The following BRDT variants were observed in gnomAD, a reference collection of about 807,000 sequenced individuals.
BRDT encodes the protein bromodomain testis associated, also known as bromodomain testis-specific protein.
In BRDT, 77 loss-of-function variants were observed where a neutral mutation model predicts 113.9. The ratio of observed to expected loss-of-function variants is 0.68; its 90% CI spans 0.56 to 0.82. BRDT has a LOEUF of 0.82. Among genes scored for constraint, BRDT ranks in the 40% least tolerant of loss-of-function variants. The pLI, the probability that BRDT is intolerant of heterozygous loss-of-function variation, is 0.00. For synonymous variants in BRDT, 358 were observed against 366.5 expected, an observed-to-expected ratio of 0.98 and a Z score of 0.26; for missense variants, 1,027 against 1,105.4, an observed-to-expected ratio of 0.93 and a Z score of 1.01.
chr1:92,010,981 T>TC (rs1687748396), intron 18 of BRDT, among the ~76,000 whole-genome samples: 1 of 151,306 alleles, frequency 6.6e-6, no homozygotes, highest in Non-Finnish European at 1.5e-5. Context: ...TTTTTTTTTT[T>TC]CCCAGCAATC....
At chr1:91,978,843 T>C (rs1684407176) in intron 7 of BRDT, among the ~76,000 whole-genome samples, 1 of 151,198 alleles carries the variant, frequency 6.6e-6, no homozygotes, top group Non-Finnish European at 1.5e-5. Flanking sequence ...TACTAAAAAA[T>C]ACAAAAAAAT....
intron 4 of BRDT, among the ~76,000 whole-genome samples, chr1:91,969,797 GTTT>G (rs1365280837): frequency 1.4e-5 from 2 of 138,670 alleles, no homozygotes; most frequent in East Asian, 4.3e-4. Flanking sequence ...AAGTGTTTAA[GTTT>G]TTTTGTTTTT....
At chr1:91,973,947 A>G (rs1359639557) in intron 4 of BRDT, among the ~76,000 whole-genome samples, 1 of 152,182 alleles carries the variant, frequency 6.6e-6, no homozygotes, top group African/African-American at 2.4e-5. Flanking sequence ...GATACAGACC[A>G]ATGGAACAGA....
chr1:91,951,036 AAAG>A (rs1408935399), intron 1 of BRDT, among the ~76,000 whole-genome samples: 27 of 94,310 alleles, frequency 2.9e-4, no homozygotes, highest in Admixed American at 3.7e-4. Context: ...AAAAAAAAAA[AAAG>A]AGATGGTCCT....
rs59044630 is a variant in BRDT at position 92,009,545 on chromosome 1, C to CTTTTT, written c.2775+4261_2775+4265dup. On this transcript the variant is annotated intron_variant, in intron 18 of 18. Transcript: ENST00000399546. Reference sequence around the variant, plus strand: ...TGTTTGCAGGTTTTTCAACTTGCCACTTTTTTTTTTTTTTTTTTTCTCTTG... The same window carrying CTTTTT: ...TGTTTGCAGGTTTTTCAACTTGCCACTTTTTTTTTTTTTTTTTTTTTTTTCTCTTG... 6.9e-3 allele frequency among the ~76,000 whole-genome samples: 716 copies of CTTTTT among 103,336 alleles called. 48 individuals carry two copies. The highest frequency in any genetic ancestry group is 0.016 in the East Asian group (56 of 3,464). 67.8% of individuals were successfully genotyped at this position (103,336 alleles called of 152,430 possible).
intron 1 of BRDT, among the ~76,000 whole-genome samples, chr1:91,959,067 A>G (rs548777558): frequency 3.3e-5 from 5 of 152,146 alleles, no homozygotes; most frequent in African/African-American, 7.2e-5. Flanking sequence ...AGAAAATGAA[A>G]CCATGAGACT....
chr1:91,976,482 ATT>A (rs57536714), intron 5 of BRDT, 44 bp downstream of exon 5: 4 of 1,407,048 alleles, frequency 2.8e-6, no homozygotes, highest in Middle Eastern at 1.9e-4. Flanking sequence ...TTAACACTGG[ATT>A]TTTTTTTTCC....
At chr1:91,975,985 G>T (rs72954721) in intron 4 of BRDT, among the ~76,000 whole-genome samples, 10,001 of 152,198 alleles carry the variant, frequency 0.066, 346 homozygotes, top group Non-Finnish European at 0.087. Context: ...ATAGCTACCT[G>T]AAGCTAACCA....
chr1:91,963,788 CTTTTTTT>C (rs57708341), intron 2 of BRDT, among the ~76,000 whole-genome samples: 1 of 119,562 alleles, frequency 8.4e-6, no homozygotes, highest in African/African-American at 3.1e-5. Context: ...TCTTTATTGG[CTTTTTTT>C]TTTTTTTTTT....
intron 13 of BRDT, among the ~76,000 whole-genome samples, chr1:91,991,668 T>A (rs894501392): frequency 3.3e-5 from 5 of 152,186 alleles, no homozygotes; most frequent in African/African-American, 1.2e-4. Flanking sequence ...TTGGCACATC[T>A]ATGTTTGACT....
chr1:92,000,124 C>T (rs147732049), intron 15 of BRDT, among the ~76,000 whole-genome samples: 5 of 152,332 alleles, frequency 3.3e-5, no homozygotes, highest in East Asian at 1.9e-4. Flanking sequence ...GGAATCCTCC[C>T]GCCTTGGCCT....
chr1:91,949,921 C>T (rs1338934544), intron 1 of BRDT: 1 of 152,148 alleles, frequency 6.6e-6, no homozygotes, highest in East Asian at 1.9e-4. Context: ...GTGTGGATCG[C>T]TGCTGCCTGT....
At chr1:92,004,284 T>C (rs1687095669) in intron 16 of BRDT, 130 bp from the exon 17 acceptor site, 2 of 582,956 alleles carry the variant, frequency 3.4e-6, no homozygotes, top group Non-Finnish European at 5.9e-6. Flanking sequence ...AACCTTTTAC[T>C]TTAGTAAAAG....
chr1:91,980,875 A>T lies in BRDT; in HGVS notation c.1461-14A>T. ...AATAACGATAAGTTGGACTAAATTTAGTTTTTGTTACAGTCAGCCAAAGAA... is the reference window on the plus strand; with the variant it reads ...AATAACGATAAGTTGGACTAAATTTTGTTTTTGTTACAGTCAGCCAAAGAA... On this transcript the variant is annotated splice_polypyrimidine_tract_variant and intron_variant, in intron 9 of 18. Transcript: ENST00000399546. The T allele has an allele frequency of 6.3e-7, 1 of 1,594,260 alleles. No individual in the cohort carries two copies. The highest frequency in any genetic ancestry group is 8.5e-7 in the Non-Finnish European group (1 of 1,174,094).
chr1:92,004,492 G>T lies in BRDT; in HGVS notation c.2467G>T (p.Asp823Tyr). 6.2e-7 allele frequency: 1 copy of T among 1,613,332 alleles called. No individual in the cohort carries two copies. The highest frequency in any genetic ancestry group is 8.5e-7 in the Non-Finnish European group (1 of 1,179,716). ...ACCATCAGGTGTAATGAAATCCTCA[G>T]ATGAGCTCTTCAACCAATTTAGAAA... ...VKPSGVMKSS[D>Y]ELFNQFRKAA... The change falls in exon 17 of 19, where the codon GAT becomes TAT. Residue 823 changes from aspartate (D) to tyrosine (Y), a missense_variant. By Grantham distance (160) the Asp-to-Tyr change is radical (BLOSUM62 -3). Coordinates refer to ENST00000399546, the MANE Select transcript of BRDT (RefSeq NM_207189.4).
intron 12 of BRDT, among the ~76,000 whole-genome samples, chr1:91,982,200 A>T (rs1015730978): frequency 8.5e-5 from 13 of 152,154 alleles, no homozygotes; most frequent in Admixed American, 4.6e-4. Flanking sequence ...AATCCTTTTG[A>T]GTTAAACCAG....
intron 15 of BRDT, among the ~76,000 whole-genome samples, chr1:91,999,101 A>C (rs1180625650): frequency 1.3e-5 from 2 of 152,160 alleles, no homozygotes; most frequent in African/African-American, 4.8e-5. Flanking sequence ...GAAGGAGACC[A>C]GCTGGGCTGT....
intron 3 of BRDT, among the ~76,000 whole-genome samples, chr1:91,966,872 T>G (rs1442528539): frequency 6.6e-6 from 1 of 152,076 alleles, no homozygotes; most frequent in Non-Finnish European, 1.5e-5. Context: ...AGTTCGAGAT[T>G]AGCCTGGCCA....
At chr1:92,001,973 G>A (rs537753173) in intron 15 of BRDT, 76 bp from the exon 16 acceptor site, 44 of 1,093,560 alleles carry the variant, frequency 4.0e-5, no homozygotes, top group Middle Eastern at 2.1e-4. Context: ...TGACCTGGAA[G>A]GAAAAATAAA....
Sources: gnomAD v4.1 joint callset for allele counts (sites outside exome capture counted in the v4.1 genomes callset) on GRCh38, gnomAD v4.1.1 for gene constraint, MANE v1.5 for transcripts, NCBI Gene and HGNC (gene_info 2026-07-23, HGNC 2026-07-21) for gene names.